EMILIN2: variants seen among roughly 807,000 people sequenced by gnomAD.
The protein encoded by EMILIN2 is elastin microfibril interfacer 2.
Under a neutral mutation model 87.1 loss-of-function variants are expected in EMILIN2, and 71 were observed. The ratio of observed to expected loss-of-function variants is 0.82; its 90% CI spans 0.67 to 0.99. The LOEUF (loss-of-function observed/expected upper bound fraction) is 0.99. EMILIN2 is among the 50% of genes least tolerant of loss of function. The pLI, the probability that EMILIN2 is intolerant of heterozygous loss-of-function variation, is 0.00. For synonymous variants in EMILIN2, 581 were observed against 563.4 expected, an observed-to-expected ratio of 1.03 and a Z score of -0.44; for missense variants, 1,407 against 1,371.8, an observed-to-expected ratio of 1.03 and a Z score of -0.40.
intron 2 of EMILIN2, among the ~76,000 whole-genome samples, chr18:2,865,726 C>G (rs2076683367): frequency 6.6e-6 from 1 of 152,204 alleles, no homozygotes; most frequent in South Asian, 2.1e-4. Context: ...AACCATTACT[C>G]TCTTCAAAGC....
rs546578828 is a variant in EMILIN2 at position 2,887,072 on chromosome 18, A to G, written c.433+1933A>G. Among the ~76,000 whole-genome samples, 72 of 152,318 alleles carry G rather than the reference A, an allele frequency of 4.7e-4. No homozygotes were observed. The Middle Eastern group carries it at 0.01, about 22-fold the overall frequency. On this transcript the variant is annotated intron_variant, in intron 3 of 7. Coordinates refer to ENST00000254528, the MANE Select transcript of EMILIN2 (RefSeq NM_032048.3). ...AGCTTCATGAGACAATTACATGGGA[A>G]GCAAACTTTTTACCACTTTATAGTA...
At chr18:2,908,286 C>T (rs567041539) in intron 5 of EMILIN2, among the ~76,000 whole-genome samples, 1 of 152,318 alleles carries the variant, frequency 6.6e-6, no homozygotes, top group East Asian at 1.9e-4. Flanking sequence ...TTCCATCCAC[C>T]CTTCCATCCA....
intron 4 of EMILIN2, among the ~76,000 whole-genome samples, chr18:2,903,615 T>C (rs1175951556): frequency 6.6e-6 from 1 of 152,240 alleles, no homozygotes; most frequent in Non-Finnish European, 1.5e-5. Flanking sequence ...CTGAGCTCAA[T>C]AGCTCTCTAA....
intron 2 of EMILIN2, among the ~76,000 whole-genome samples, chr18:2,879,708 TTTGA>T (rs2076767728): frequency 6.7e-6 from 1 of 149,016 alleles, no homozygotes; most frequent in East Asian, 2.0e-4. Context: ...AGTATATTAA[TTTGA>T]TTGATTTATT....
chr18:2,875,298 G>C (rs2076741679), intron 2 of EMILIN2, among the ~76,000 whole-genome samples: 7 of 152,204 alleles, frequency 4.6e-5, no homozygotes, highest in Admixed American at 4.6e-4. Flanking sequence ...GCTTCATGGT[G>C]AGCACCACGC....
intron 2 of EMILIN2, among the ~76,000 whole-genome samples, chr18:2,878,928 G>C (rs1052166174): frequency 6.6e-6 from 1 of 152,142 alleles, no homozygotes. Flanking sequence ...GTCCCCAAGG[G>C]GGCAACGGGT....
At chr18:2,881,811 G>A (rs1219334509) in intron 2 of EMILIN2, among the ~76,000 whole-genome samples, 2 of 152,246 alleles carry the variant, frequency 1.3e-5, no homozygotes, top group South Asian at 2.1e-4. Flanking sequence ...ACAATCCAGC[G>A]CAATGATGCT....
intron 6 of EMILIN2, 53 bp from the exon 7 acceptor site, chr18:2,909,638 C>A (rs1161981938): frequency 4.4e-6 from 7 of 1,595,940 alleles, no homozygotes; most frequent in Admixed American, 1.8e-5. Flanking sequence ...AGGCCCTCCC[C>A]CTGGAGGACA....
chr18:2,866,296 A>G (rs1415741977), intron 2 of EMILIN2, among the ~76,000 whole-genome samples: 1 of 152,132 alleles, frequency 6.6e-6, no homozygotes, highest in Non-Finnish European at 1.5e-5. Context: ...TCACGCTGGG[A>G]GCTGTAGACT....
chr18:2,861,164 G>C (rs1166353290), intron 2 of EMILIN2, among the ~76,000 whole-genome samples: 2 of 152,058 alleles, frequency 1.3e-5, no homozygotes, highest in South Asian at 4.1e-4. Flanking sequence ...TTGCAAAAAT[G>C]TTCTCCCATT....
chr18:2,909,044 C>T (rs1407235857), intron 6 of EMILIN2, 69 bp downstream of exon 6: 1 of 1,550,854 alleles, frequency 6.4e-7, no homozygotes. Context: ...TCCTCTGCAT[C>T]TCCTGCCTCC....
chr18:2,859,183 A>G (rs2076648178), intron 2 of EMILIN2, among the ~76,000 whole-genome samples: 1 of 152,184 alleles, frequency 6.6e-6, no homozygotes, highest in African/African-American at 2.4e-5. Context: ...CGTTCCCATC[A>G]GCAGTGTAGA....
chr18:2,871,605 A>G (rs2076720271), intron 2 of EMILIN2, among the ~76,000 whole-genome samples: 1 of 152,214 alleles, frequency 6.6e-6, no homozygotes. Context: ...GAGATTTGGC[A>G]CTGAGCGGGG....
intron 2 of EMILIN2, among the ~76,000 whole-genome samples, chr18:2,873,486 T>TC (rs1229785488): frequency 2.8e-4 from 43 of 151,400 alleles, no homozygotes; most frequent in African/African-American, 8.7e-4. Flanking sequence ...GGCGGGTGGA[T>TC]CACGAGGTCA....
chr18:2,903,982 C>T (rs1199198875), intron 4 of EMILIN2, among the ~76,000 whole-genome samples: 1 of 152,180 alleles, frequency 6.6e-6, no homozygotes, highest in Non-Finnish European at 1.5e-5. Context: ...GTGCACATTT[C>T]CCAATACCTT....
At position 2,891,575 on chromosome 18, in the gene EMILIN2, T is replaced by G; in HGVS notation, c.1448T>G (p.Val483Gly). The change falls in exon 4 of 8, where the codon GTG becomes GGG. Residue 483 changes from valine (V) to glycine (G), a missense_variant. Val to Gly is a moderately radical substitution (Grantham distance 109, BLOSUM62 -3). Transcript: ENST00000254528. This position sits in a 1 kb window ranked among gnomAD's most constrained non-coding sequence, Gnocchi z 4.6. The stretch of plus-strand genomic sequence containing the variant: ...CTTCGGGGCGCCATTAATGGAGAGG[T>G]GGGTGACTTGAAGCAGCTTGTTGAT... ...ETLRGAINGE[V>G]GDLKQLVDQK... The G allele has an allele frequency of 1.2e-6, 2 of 1,613,892 alleles. No individual in the cohort carries two copies. The highest frequency in any genetic ancestry group is 8.5e-7 in the Non-Finnish European group (1 of 1,179,976).
At chr18:2,859,123 G>T (rs1260317865) in intron 2 of EMILIN2, among the ~76,000 whole-genome samples, 8 of 152,122 alleles carry the variant, frequency 5.3e-5, no homozygotes, top group Non-Finnish European at 1.2e-4. Flanking sequence ...TCTACTTTTA[G>T]TTCTTTAAGG....
At chr18:2,907,338 C>G (rs758202982) in intron 5 of EMILIN2, among the ~76,000 whole-genome samples, 1 of 152,218 alleles carries the variant, frequency 6.6e-6, no homozygotes, top group African/African-American at 2.4e-5. Flanking sequence ...GGTTGGAGTA[C>G]GAGTGCCACA....
chr18:2,858,540 T>A (rs1159187280), intron 2 of EMILIN2, among the ~76,000 whole-genome samples: 2 of 36,946 alleles, frequency 5.4e-5, no homozygotes, highest in Admixed American at 5.4e-4. Context: ...TATATATATA[T>A]ATATATATAT....
Sources: allele counts gnomAD v4.1 joint callset (sites outside exome capture counted in the v4.1 genomes callset), GRCh38; gene constraint gnomAD v4.1.1; non-coding constraint Gnocchi (gnomAD v3.1); transcripts MANE v1.5; gene names NCBI Gene and HGNC (gene_info 2026-07-23, HGNC 2026-07-21).